The following FHIT variants were observed in gnomAD, a reference collection of about 807,000 sequenced individuals.
The protein encoded by FHIT is fragile histidine triad diadenosine triphosphatase, also known as bis(5'-adenosyl)-triphosphatase.
Under a neutral mutation model 17.9 loss-of-function variants are expected in FHIT, and 19 were observed. The observed-to-expected ratio is 1.06, with a 90% CI of 0.74 to 1.56. The LOEUF (loss-of-function observed/expected upper bound fraction) is 1.56, where lower values mean the gene tolerates loss of function less well. FHIT is among the 40% of genes most tolerant of loss of function. FHIT has a pLI of 0.00. For missense variants in FHIT, 248 were observed against 189.2 expected, an observed-to-expected ratio of 1.31 and a Z score of -1.82; for synonymous variants, 81 against 69.7, an observed-to-expected ratio of 1.16 and a Z score of -0.81.
At chr3:60,201,698 G>A (rs955938441) in intron 5 of FHIT, among the ~76,000 whole-genome samples, 2 of 152,036 alleles carry the variant, frequency 1.3e-5, no homozygotes, top group Admixed American at 6.6e-5. Flanking sequence ...CCACTTCTGT[G>A]TATATTTAAC....
intron 5 of FHIT, among the ~76,000 whole-genome samples, chr3:60,129,035 T>G (rs1699394617): frequency 6.8e-6 from 1 of 146,936 alleles, no homozygotes; most frequent in African/African-American, 2.6e-5. Flanking sequence ...TTCCCTTTTC[T>G]TCTTTCCTTT....
intron 4 of FHIT, among the ~76,000 whole-genome samples, chr3:60,548,130 C>G (rs1319079204): frequency 6.1e-5 from 1 of 16,352 alleles, no homozygotes; most frequent in African/African-American, 5.1e-4. Context: ...AAAAGGAGCA[C>G]GAGAGAGAGA....
At chr3:60,043,628 T>G (rs1701532275) in intron 5 of FHIT, among the ~76,000 whole-genome samples, 1 of 152,124 alleles carries the variant, frequency 6.6e-6, no homozygotes, top group African/African-American at 2.4e-5. Flanking sequence ...TTATGACAAC[T>G]GCCCAGTATA....
At chr3:60,112,730 T>C (rs534712724) in intron 5 of FHIT, among the ~76,000 whole-genome samples, 1 of 152,290 alleles carries the variant, frequency 6.6e-6, no homozygotes, top group East Asian at 1.9e-4. Context: ...CATAAATTCA[T>C]CTAGAGCATA....
At chr3:59,801,658 C>T (rs115181407) in intron 8 of FHIT, among the ~76,000 whole-genome samples, 4,496 of 152,028 alleles carry the variant, frequency 0.03, 223 homozygotes, top group African/African-American at 0.1. Flanking sequence ...CTAGATACAC[C>T]ACCAAGCATT....
chr3:59,937,625 C>T (rs868243086), intron 7 of FHIT, among the ~76,000 whole-genome samples: 3 of 152,286 alleles, frequency 2.0e-5, no homozygotes, highest in African/African-American at 7.2e-5. Flanking sequence ...CCTTCTCCCA[C>T]CATTTTATGA....
chr3:60,009,234 G>T (rs532856839), intron 7 of FHIT, among the ~76,000 whole-genome samples: 205 of 119,420 alleles, frequency 1.7e-3, no homozygotes, highest in Admixed American at 3.4e-3. Flanking sequence ...TGTGTGTATG[G>T]TGGTTTTCTT....
chr3:60,462,466 A>G (rs1473828459), intron 5 of FHIT, among the ~76,000 whole-genome samples: 1 of 152,152 alleles, frequency 6.6e-6, no homozygotes, highest in Non-Finnish European at 1.5e-5. Context: ...CAAGTCCTCG[A>G]CAGAAAGGCA....
chr3:60,165,843 G>A (rs1365780419), intron 5 of FHIT, among the ~76,000 whole-genome samples: 3 of 152,136 alleles, frequency 2.0e-5, no homozygotes, highest in South Asian at 4.2e-4. Flanking sequence ...AGGTGTCCTC[G>A]GTGAACAATT....
At chr3:60,051,150 G>A (rs1010656503) in intron 5 of FHIT, among the ~76,000 whole-genome samples, 1 of 152,072 alleles carries the variant, frequency 6.6e-6, no homozygotes, top group African/African-American at 2.4e-5. Flanking sequence ...TTTGAGGTAG[G>A]GGAAGGTTGG....
At chr3:60,135,498 G>A (rs984534409) in intron 5 of FHIT, among the ~76,000 whole-genome samples, 1 of 152,134 alleles carries the variant, frequency 6.6e-6, no homozygotes, top group African/African-American at 2.4e-5. Context: ...TTGAACAGCT[G>A]CAACCTCTAG....
chr3:60,268,321 A>T (rs1706688918), intron 5 of FHIT, among the ~76,000 whole-genome samples: 2 of 152,192 alleles, frequency 1.3e-5, no homozygotes, highest in African/African-American at 4.8e-5. Context: ...CTCAGATTAG[A>T]TTACTAACAG....
At chr3:60,387,661 T>A (rs1701065490) in intron 5 of FHIT, among the ~76,000 whole-genome samples, 1 of 152,142 alleles carries the variant, frequency 6.6e-6, no homozygotes, top group Non-Finnish European at 1.5e-5. Flanking sequence ...TCCACTCTCT[T>A]GACTTCTCTC....
At chr3:59,779,565 A>G (rs1166867039) in intron 8 of FHIT, among the ~76,000 whole-genome samples, 1 of 152,184 alleles carries the variant, frequency 6.6e-6, no homozygotes, top group Non-Finnish European at 1.5e-5. Context: ...CATTCATGAA[A>G]ACATCATTTT....
intron 5 of FHIT, among the ~76,000 whole-genome samples, chr3:60,313,607 T>C (rs1018136052): frequency 2.6e-5 from 4 of 152,208 alleles, no homozygotes; most frequent in African/African-American, 4.8e-5. Context: ...TGGTGCTGGG[T>C]TGATGGCTTT....
chr3:61,149,737 A>G (rs1345520050), intron 2 of FHIT, among the ~76,000 whole-genome samples: 2 of 151,964 alleles, frequency 1.3e-5, no homozygotes, highest in East Asian at 1.9e-4. Flanking sequence ...AATATTAGCC[A>G]TATGTGGTGG....
chr3:60,416,016 TCAATA>T (rs1702237038), intron 5 of FHIT, among the ~76,000 whole-genome samples: 1 of 151,014 alleles, frequency 6.6e-6, no homozygotes, highest in Non-Finnish European at 1.5e-5. Flanking sequence ...ACACAGTTGT[TCAATA>T]CATGTTATCT....
At chr3:61,150,249 A>G (rs1004141276) in intron 2 of FHIT, among the ~76,000 whole-genome samples, 1 of 152,112 alleles carries the variant, frequency 6.6e-6, no homozygotes, top group Non-Finnish European at 1.5e-5. Context: ...AGGCTTTTAC[A>G]TGGTAGTGAT....
chr3:60,544,017 C>G (rs1174565688), intron 4 of FHIT, among the ~76,000 whole-genome samples: 1 of 148,050 alleles, frequency 6.8e-6, no homozygotes, highest in Non-Finnish European at 1.5e-5. Context: ...CTTGGCTTCT[C>G]AAAGTGCTGG....
Sources: allele counts gnomAD v4.1 joint callset (sites outside exome capture counted in the v4.1 genomes callset), GRCh38; gene constraint gnomAD v4.1.1; transcripts MANE v1.5; gene names NCBI Gene and HGNC (gene_info 2026-07-23, HGNC 2026-07-21).